The following FILIP1 variants were observed in gnomAD, a reference collection of about 807,000 sequenced individuals.
FILIP1 encodes the protein filamin-A-interacting protein 1.
Under a neutral mutation model 102.1 loss-of-function variants are expected in FILIP1, and 61 were observed. The ratio of observed to expected loss-of-function variants is 0.60; its 90% CI spans 0.49 to 0.74. FILIP1 has a LOEUF of 0.74. Among genes scored for constraint, FILIP1 ranks in the 30% least tolerant of loss-of-function variants. The pLI is 0.00. For synonymous variants in FILIP1, 491 were observed against 526.9 expected, an observed-to-expected ratio of 0.93 and a Z score of 0.93; for missense variants, 1,314 against 1,441.2, an observed-to-expected ratio of 0.91 and a Z score of 1.43.
At chr6:75,333,024 T>C (rs892797951) in intron 4 of FILIP1, among the ~76,000 whole-genome samples, 4 of 152,212 alleles carry the variant, frequency 2.6e-5, no homozygotes, top group Admixed American at 2.6e-4. Flanking sequence ...ATCTAATTTG[T>C]CTCTTGGGTA....
intron 2 of FILIP1, among the ~76,000 whole-genome samples, chr6:75,370,430 CAG>C (rs1322928304): frequency 6.6e-6 from 1 of 152,098 alleles, no homozygotes; most frequent in Non-Finnish European, 1.5e-5. Flanking sequence ...ATGTGAAAGT[CAG>C]AGAGGCATAA....
At chr6:75,396,842 AAAG>A (rs1357013849) in intron 2 of FILIP1, among the ~76,000 whole-genome samples, 2 of 152,086 alleles carry the variant, frequency 1.3e-5, no homozygotes, top group African/African-American at 2.4e-5. Flanking sequence ...GATTCTTTTC[AAAG>A]AAGGTCTTTG....
exon 7 of FILIP1, chr6:75,293,225 T>C (rs1243853714): frequency 6.6e-6 from 1 of 152,326 alleles, no homozygotes; most frequent in East Asian, 1.9e-4. Flanking sequence ...ATTATTTCAT[T>C]AAAAATGATT....
chr6:75,461,047 C>T (rs1483836028), intron 1 of FILIP1, among the ~76,000 whole-genome samples: 1 of 152,114 alleles, frequency 6.6e-6, no homozygotes, highest in Non-Finnish European at 1.5e-5. Context: ...TCTATCTGAC[C>T]TTTCACTTTT....
chr6:75,354,760 C>G (rs922033392), intron 3 of FILIP1, among the ~76,000 whole-genome samples: 1 of 152,106 alleles, frequency 6.6e-6, no homozygotes, highest in Admixed American at 6.6e-5. Context: ...AAGCTCTATA[C>G]TCAGAAAGAG....
At chr6:75,480,299 T>C (rs769700691) in intron 1 of FILIP1, among the ~76,000 whole-genome samples, 32 of 152,216 alleles carry the variant, frequency 2.1e-4, no homozygotes, top group Non-Finnish European at 4.4e-4. Flanking sequence ...ACCATTTTTA[T>C]AGGTATATAC....
chr6:75,398,816 C>G (rs1439398274), intron 2 of FILIP1: 1 of 151,018 alleles, frequency 6.6e-6, no homozygotes, highest in Non-Finnish European at 1.5e-5. Context: ...TAGTGTAAGC[C>G]AGCAAAATGC....
chr6:75,407,883 C>T (rs1164146915), intron 2 of FILIP1, among the ~76,000 whole-genome samples: 1 of 152,024 alleles, frequency 6.6e-6, no homozygotes, highest in Non-Finnish European at 1.5e-5. Flanking sequence ...TAGTTTGTCC[C>T]TTGTTCTTGA....
chr6:75,475,541 A>G (rs1394919526), intron 1 of FILIP1, among the ~76,000 whole-genome samples: 1 of 152,208 alleles, frequency 6.6e-6, no homozygotes, highest in Non-Finnish European at 1.5e-5. Flanking sequence ...AGGTTTAGAA[A>G]GTTAAAAAGA....
downstream of FILIP1, among the ~76,000 whole-genome samples, chr6:75,303,117 G>C (rs945104891): frequency 2.0e-5 from 3 of 152,154 alleles, no homozygotes; most frequent in African/African-American, 7.2e-5. Flanking sequence ...GAGAAGCATA[G>C]ATGGTTACCA....
rs979666226 is a variant in FILIP1 at position 75,314,238 on chromosome 6, T to G, written c.1594A>C (p.Asn532His). The G allele has an allele frequency of 6.4e-7, 1 of 1,563,350 alleles. No homozygotes were observed. The highest frequency in any genetic ancestry group is 2.3e-5 in the Admixed American group (1 of 44,306). ...EERKVDGLNK[N>H]FKVEQGKVMD... ...ACTTTTCCTTGTTCCACCTTAAAAT[T>G]TTTATTGAGTCCATCCACTTTTCTC... Residue 532 changes from asparagine (N) to histidine (H), a missense_variant, in exon 5 of 6, where the codon AAT becomes CAT. Transcript: ENST00000237172.
chr6:75,314,423 A>C lies in FILIP1; in HGVS notation c.1409T>G (p.Leu470Trp). ...TTTAACTCGACTCTTGACCACCTCCAATTCATTTAGCAGGTCTTTGGTTAA... is the reference window on the plus strand; with the variant it reads ...TTTAACTCGACTCTTGACCACCTCCCATTCATTTAGCAGGTCTTTGGTTAA... ...KNLTKDLLNE[L>W]EVVKSRVKEL... is the part of the protein sequence containing the mutation. Residue 470 changes from leucine (L) to tryptophan (W), a missense_variant, in exon 5 of 6, where the codon TTG becomes TGG. Coordinates refer to ENST00000237172, the MANE Select transcript of FILIP1 (RefSeq NM_015687.5). 1.9e-6 allele frequency: 3 copies of C among 1,558,044 alleles called. No individual in the cohort carries two copies. The highest frequency in any genetic ancestry group is 1.4e-5 in the African/African-American group (1 of 72,580).
chr6:75,326,678 A>C (rs751606302), intron 4 of FILIP1, among the ~76,000 whole-genome samples: 3 of 152,220 alleles, frequency 2.0e-5, no homozygotes, highest in Non-Finnish European at 4.4e-5. Context: ...TTTATAAATA[A>C]GGTAAATCAT....
Position 75,485,220 on chromosome 6 carries a change from GC to G in FILIP1, c.-7+8193del, listed in dbSNP as rs1307845239. On this transcript the variant is annotated intron_variant, in intron 1 of 5. Coordinates refer to ENST00000237172, the MANE Select transcript of FILIP1 (RefSeq NM_015687.5). Reference sequence around the variant, plus strand: ...CCTTCGTGAAATGTAACACATCTCTGCCTTTACTTCTTTTTCATTGACTTGG... The same window carrying G: ...CCTTCGTGAAATGTAACACATCTCTGCTTTACTTCTTTTTCATTGACTTGG... Among the ~76,000 whole-genome samples, 4 of 152,288 alleles carry G rather than the reference GC, an allele frequency of 2.6e-5. No individual in the cohort carries two copies. The South Asian group carries it at 8.3e-4, about 32-fold the overall frequency.
intron 4 of FILIP1, among the ~76,000 whole-genome samples, chr6:75,324,166 T>C (rs926447056): frequency 6.6e-6 from 1 of 152,130 alleles, no homozygotes; most frequent in Non-Finnish European, 1.5e-5. Context: ...TCCAGAAAGC[T>C]TCTAGATCTG....
chr6:75,447,775 G>C (rs1209362052), intron 1 of FILIP1, among the ~76,000 whole-genome samples: 2 of 151,970 alleles, frequency 1.3e-5, no homozygotes, highest in Non-Finnish European at 2.9e-5. Flanking sequence ...TCCAGGTGAG[G>C]CTACATGTAT....
intron 1 of FILIP1, among the ~76,000 whole-genome samples, chr6:75,451,874 G>A (rs545878868): frequency 7.2e-5 from 11 of 152,068 alleles, no homozygotes; most frequent in Non-Finnish European, 1.5e-4. Flanking sequence ...ACTAAATGCT[G>A]GTAAATGTAT....
At chr6:75,488,019 C>T (rs1324494143) in intron 1 of FILIP1, among the ~76,000 whole-genome samples, 1 of 152,090 alleles carries the variant, frequency 6.6e-6, no homozygotes, top group Admixed American at 6.6e-5. Context: ...GAGATAATTT[C>T]TGCATTAGCT....
intron 1 of FILIP1, among the ~76,000 whole-genome samples, chr6:75,467,822 A>T (rs1779213466): frequency 6.6e-6 from 1 of 152,200 alleles, no homozygotes; most frequent in Non-Finnish European, 1.5e-5. Flanking sequence ...GAGTGCTGCT[A>T]ATAAATGTTG....
Sources: gnomAD v4.1 joint callset for allele counts (sites outside exome capture counted in the v4.1 genomes callset) on GRCh38, gnomAD v4.1.1 for gene constraint, MANE v1.5 for transcripts, NCBI Gene and HGNC (gene_info 2026-07-23, HGNC 2026-07-21) for gene names.